NFIA: variants seen among roughly 807,000 people sequenced by gnomAD.
NFIA encodes nuclear factor I A.
A neutral mutation model predicts 62.8 loss-of-function variants in NFIA; 8 were observed. The observed-to-expected ratio is 0.13, with a 90% CI of 0.07 to 0.23. The LOEUF (loss-of-function observed/expected upper bound fraction) is 0.23, where lower values mean the gene tolerates loss of function less well. Ranked by LOEUF, NFIA falls within the 10% of genes least tolerant of loss-of-function variation. The pLI is 1.00. For synonymous variants in NFIA, 235 were observed against 238.1 expected (o/e 0.99, Z 0.12); for missense variants, 410 against 642.1 (o/e 0.64, Z 3.91).
At chr1:61,344,282 G>A (rs1248934432) in intron 4 of NFIA, among the ~76,000 whole-genome samples, 1 of 152,126 alleles carries the variant, frequency 6.6e-6, no homozygotes, top group African/African-American at 2.4e-5. Flanking sequence ...CAGTCCCTTT[G>A]TGCCAGTGAC....
At chr1:61,363,686 C>A (rs1663427822) in intron 6 of NFIA, among the ~76,000 whole-genome samples, 1 of 151,738 alleles carries the variant, frequency 6.6e-6, no homozygotes, top group African/African-American at 2.4e-5. Context: ...TATCCCAAAG[C>A]CTTGTAATAC....
At chr1:61,148,554 G>A (rs953105114) in intron 2 of NFIA, among the ~76,000 whole-genome samples, 1 of 152,194 alleles carries the variant, frequency 6.6e-6, no homozygotes, top group Non-Finnish European at 1.5e-5. Flanking sequence ...GAGAGCTGCT[G>A]ACTAGTGGCA....
At chr1:61,288,253 C>T (rs868061861) in intron 3 of NFIA, among the ~76,000 whole-genome samples, 17 of 152,046 alleles carry the variant, frequency 1.1e-4, no homozygotes, top group African/African-American at 2.7e-4. Context: ...ATTTGGAATT[C>T]GCACATCCAA....
intron 2 of NFIA, among the ~76,000 whole-genome samples, chr1:61,224,554 C>T (rs902789260): frequency 6.6e-6 from 1 of 152,160 alleles, no homozygotes; most frequent in Non-Finnish European, 1.5e-5. Flanking sequence ...GAAACTTATT[C>T]TGATTCAGTC....
At position 61,116,669 on chromosome 1, in the gene NFIA, A is replaced by G. The variant is rs536406223; in HGVS notation, c.559+27989A>G. On this transcript the variant is annotated intron_variant, in intron 2 of 10. Transcript: ENST00000403491. ...AGACTCTAGAAATAAATTATCAACG[A>G]TGACTGCAGTGGGTGAGGCTGTTTG... Among the ~76,000 whole-genome samples the G allele has an allele frequency of 2.0e-5, 3 of 152,344 alleles. No individual in the cohort carries two copies. In the East Asian group the frequency reaches 5.8e-4, roughly 29 times the overall value.
chr1:61,372,905 T>C (rs17122030), intron 6 of NFIA, among the ~76,000 whole-genome samples: 9,501 of 152,168 alleles, frequency 0.062, 464 homozygotes, highest in African/African-American at 0.13. Flanking sequence ...GGGCTAGAAG[T>C]TTTCTGCATT....
At chr1:61,092,255 T>C (rs558015861) in intron 2 of NFIA, among the ~76,000 whole-genome samples, 1 of 152,290 alleles carries the variant, frequency 6.6e-6, no homozygotes, top group Non-Finnish European at 1.5e-5. Context: ...AAAATTCAGT[T>C]TGAAAGATTA....
chr1:61,080,050 G>C (rs547868197), upstream of NFIA, among the ~76,000 whole-genome samples: 8 of 152,256 alleles, frequency 5.3e-5, no homozygotes, highest in Non-Finnish European at 1.0e-4. Flanking sequence ...GGAGCTGGCG[G>C]AGATAGGAGA....
chr1:61,339,321 T>A (rs1661779011), intron 4 of NFIA, among the ~76,000 whole-genome samples: 1 of 152,182 alleles, frequency 6.6e-6, no homozygotes. Context: ...TTTAAAAAAA[T>A]CATAATGTCT....
chr1:61,254,711 C>T (rs1347625164), intron 2 of NFIA, among the ~76,000 whole-genome samples: 1 of 152,162 alleles, frequency 6.6e-6, no homozygotes, highest in East Asian at 1.9e-4. Context: ...GTCAGCAACA[C>T]CATTTTATAT....
At chr1:61,141,537 TCTAAAGAGTTTTGAG>T (rs1223253211) in intron 2 of NFIA, among the ~76,000 whole-genome samples, 1 of 152,216 alleles carries the variant, frequency 6.6e-6, no homozygotes, top group Non-Finnish European at 1.5e-5. Context: ...CTTGATAATT[TCTAAAGAGTTTTGAG>T]CTATTTAGCA....
At chr1:61,148,105 A>G (rs186145388) in intron 2 of NFIA, among the ~76,000 whole-genome samples, 76 of 152,298 alleles carry the variant, frequency 5.0e-4, no homozygotes, top group Non-Finnish European at 8.4e-4. Context: ...TAGTTGTGGT[A>G]CAGGTATCCT....
chr1:61,362,236 C>G (rs747039796), intron 6 of NFIA, among the ~76,000 whole-genome samples: 3 of 152,078 alleles, frequency 2.0e-5, no homozygotes, highest in African/African-American at 4.8e-5. Flanking sequence ...CCCAGGGGTA[C>G]AGTTAAATTG....
chr1:61,140,215 C>T (rs1366160320), intron 2 of NFIA, among the ~76,000 whole-genome samples: 2 of 151,960 alleles, frequency 1.3e-5, no homozygotes, highest in Non-Finnish European at 2.9e-5. Context: ...TTTTCTGTAC[C>T]CCTGGCCTGA....
intron 6 of NFIA, among the ~76,000 whole-genome samples, chr1:61,370,704 C>T (rs565045681): frequency 6.6e-6 from 1 of 152,298 alleles, no homozygotes; most frequent in South Asian, 2.1e-4. Flanking sequence ...GCACGCTCAG[C>T]CCACTGTGGG....
intron 10 of NFIA, among the ~76,000 whole-genome samples, chr1:61,427,911 T>C (rs549458030): frequency 2.6e-5 from 4 of 152,344 alleles, no homozygotes; most frequent in Admixed American, 1.3e-4. Context: ...TCAAACACTT[T>C]TCTGGTGAAT....
intron 2 of NFIA, among the ~76,000 whole-genome samples, chr1:61,122,954 C>T (rs988583072): frequency 2.0e-5 from 3 of 152,162 alleles, no homozygotes; most frequent in Non-Finnish European, 2.9e-5. Context: ...CTACTCAGTA[C>T]GTATGTCCAT....
At chr1:61,292,624 G>T (rs1346078810) in intron 3 of NFIA, among the ~76,000 whole-genome samples, 2 of 152,144 alleles carry the variant, frequency 1.3e-5, no homozygotes, top group African/African-American at 4.8e-5. Flanking sequence ...GGGGCATATG[G>T]TGGAGGCACA....
At chr1:61,309,755 G>A (rs1450712399) in intron 3 of NFIA, among the ~76,000 whole-genome samples, 1 of 152,142 alleles carries the variant, frequency 6.6e-6, no homozygotes, top group African/African-American at 2.4e-5. Flanking sequence ...TGGGTGTGGT[G>A]GCATGCACCT....
Sources: gnomAD v4.1 joint callset for allele counts (sites outside exome capture counted in the v4.1 genomes callset) on GRCh38, gnomAD v4.1.1 for gene constraint, MANE v1.5 for transcripts, NCBI Gene and HGNC (gene_info 2026-07-23, HGNC 2026-07-21) for gene names.